The following PLPPR1 variants were observed in gnomAD, a reference collection of about 807,000 sequenced individuals.
The protein encoded by PLPPR1 is phospholipid phosphatase related 1.
In PLPPR1, 10 loss-of-function variants were observed where a neutral mutation model predicts 33.1. The ratio of observed to expected loss-of-function variants is 0.30; its 90% CI spans 0.19 to 0.51. The LOEUF is 0.51. Among genes scored for constraint, PLPPR1 ranks in the 20% least tolerant of loss-of-function variants. The pLI is 0.97. For missense variants in PLPPR1, 304 were observed against 408.1 expected (o/e 0.74, Z 2.20); for synonymous variants, 151 against 151.0 (o/e 1.00, Z 0.00).
chr9:101,137,469 A>C (rs1308814810), intron 1 of PLPPR1, among the ~76,000 whole-genome samples: 1 of 152,226 alleles, frequency 6.6e-6, no homozygotes, highest in African/African-American at 2.4e-5. Context: ...GGACACTGAT[A>C]GCCCATACTT....
chr9:101,296,106 GAAA>G (rs1416741000), intron 4 of PLPPR1, among the ~76,000 whole-genome samples: 4 of 151,698 alleles, frequency 2.6e-5, no homozygotes, highest in African/African-American at 9.7e-5. Context: ...AAATTTACAA[GAAA>G]AAAACAACCC....
intron 1 of PLPPR1, among the ~76,000 whole-genome samples, chr9:101,080,554 C>A (rs1466389674): frequency 6.6e-6 from 1 of 152,014 alleles, no homozygotes; most frequent in Admixed American, 6.6e-5. Context: ...AACAAACAAG[C>A]AAACAACTAA....
intron 1 of PLPPR1, among the ~76,000 whole-genome samples, chr9:101,151,247 C>A (rs1230889057): frequency 1.3e-5 from 2 of 151,916 alleles, no homozygotes; most frequent in Non-Finnish European, 2.9e-5. Context: ...TCTTTGGAAC[C>A]CTTCTCAGAT....
chr9:101,246,032 T>C (rs1311887550), intron 2 of PLPPR1, among the ~76,000 whole-genome samples: 3 of 141,598 alleles, frequency 2.1e-5, no homozygotes, highest in Non-Finnish European at 3.1e-5. Flanking sequence ...TAATCTCCCA[T>C]ATACCTCTCA....
intron 2 of PLPPR1, among the ~76,000 whole-genome samples, chr9:101,256,706 G>T (rs935224691): frequency 2.6e-5 from 4 of 152,070 alleles, no homozygotes; most frequent in African/African-American, 4.8e-5. Context: ...TGATGTGGGG[G>T]TCCCTATGCC....
At chr9:101,094,227 A>C (rs995900054) in intron 1 of PLPPR1, among the ~76,000 whole-genome samples, 23 of 152,180 alleles carry the variant, frequency 1.5e-4, no homozygotes, top group African/African-American at 5.5e-4. Context: ...CTATCAAGAC[A>C]CTTAAGGCCT....
chr9:101,086,395 G>A (rs1423588245), intron 1 of PLPPR1, among the ~76,000 whole-genome samples: 3 of 152,208 alleles, frequency 2.0e-5, no homozygotes, highest in African/African-American at 7.2e-5. Context: ...TTCCATCAGA[G>A]TTGTCCTATG....
chr9:101,041,262 C>T (rs1373853515), intron 1 of PLPPR1, among the ~76,000 whole-genome samples: 1 of 152,102 alleles, frequency 6.6e-6, no homozygotes, highest in African/African-American at 2.4e-5. Flanking sequence ...TTCTGCCTCC[C>T]TCTAGCTAGT....
At chr9:101,215,521 C>A (rs1249429567) in intron 2 of PLPPR1, among the ~76,000 whole-genome samples, 1 of 152,194 alleles carries the variant, frequency 6.6e-6, no homozygotes, top group East Asian at 1.9e-4. Flanking sequence ...CCTCGTGATC[C>A]CCCTGCCTAA....
intron 1 of PLPPR1, among the ~76,000 whole-genome samples, chr9:101,124,729 C>A (rs181941531): frequency 2.0e-5 from 3 of 152,174 alleles, no homozygotes; most frequent in Non-Finnish European, 4.4e-5. Flanking sequence ...TCAGATGTTT[C>A]GTGGGCACCC....
intron 1 of PLPPR1, among the ~76,000 whole-genome samples, chr9:101,124,603 A>G (rs1211533365): frequency 6.6e-6 from 1 of 152,204 alleles, no homozygotes; most frequent in Non-Finnish European, 1.5e-5. Context: ...GCCACTGATA[A>G]TGAGAAACAG....
intron 2 of PLPPR1, among the ~76,000 whole-genome samples, chr9:101,245,602 T>C (rs1827577630): frequency 6.6e-6 from 1 of 151,978 alleles, no homozygotes; most frequent in African/African-American, 2.4e-5. Flanking sequence ...TTTTTTCTAG[T>C]GCATATCAAG....
intron 4 of PLPPR1, among the ~76,000 whole-genome samples, chr9:101,306,057 T>C (rs953695202): frequency 6.2e-4 from 95 of 152,224 alleles, no homozygotes; most frequent in African/African-American, 2.2e-3. Flanking sequence ...AGACAATCCA[T>C]GTTACTGGGA....
chr9:101,078,802 A>T (rs1376633913), intron 1 of PLPPR1, among the ~76,000 whole-genome samples: 1 of 151,678 alleles, frequency 6.6e-6, no homozygotes, highest in Non-Finnish European at 1.5e-5. Flanking sequence ...CAATTCTTGT[A>T]TGTTTCTTAG....
At chr9:101,278,526 C>A (rs1828238630) in intron 3 of PLPPR1, among the ~76,000 whole-genome samples, 3 of 152,290 alleles carry the variant, frequency 2.0e-5, no homozygotes, top group Admixed American at 2.0e-4. Context: ...ACATTACCTG[C>A]ACCACCCCTC....
chr9:101,251,498 G>T (rs1007045089), intron 2 of PLPPR1, among the ~76,000 whole-genome samples: 20 of 152,172 alleles, frequency 1.3e-4, no homozygotes, highest in Admixed American at 2.0e-4. Flanking sequence ...GTCTCGTATA[G>T]ATTACCACCA....
chr9:101,320,133 G>T (rs1007295550), intron 7 of PLPPR1, among the ~76,000 whole-genome samples: 2 of 152,200 alleles, frequency 1.3e-5, no homozygotes, highest in Admixed American at 1.3e-4. Flanking sequence ...TCTTAAAATA[G>T]ATATTAATTC....
chr9:101,072,996 G>A (rs762671338), intron 1 of PLPPR1, among the ~76,000 whole-genome samples: 13 of 152,178 alleles, frequency 8.5e-5, no homozygotes, highest in Non-Finnish European at 1.8e-4. Context: ...GTTTAACCAA[G>A]TAGGGTGAGA....
intron 3 of PLPPR1, among the ~76,000 whole-genome samples, chr9:101,282,936 T>C (rs886408195): frequency 1.3e-5 from 2 of 152,200 alleles, no homozygotes; most frequent in Non-Finnish European, 2.9e-5. Flanking sequence ...GAAGAATTAA[T>C]ACTGTTAAAA....
Sources: allele counts gnomAD v4.1 joint callset (sites outside exome capture counted in the v4.1 genomes callset), GRCh38; gene constraint gnomAD v4.1.1; transcripts MANE v1.5; gene names NCBI Gene and HGNC (gene_info 2026-07-23, HGNC 2026-07-21).